Variants in GPM6A observed in about 807,000 individuals in gnomAD.
GPM6A encodes glycoprotein M6A.
GPM6A carries 7 observed loss-of-function variants against 32.1 expected under a neutral mutation model. The ratio of observed to expected loss-of-function variants is 0.22; its 90% CI spans 0.12 to 0.41. The LOEUF (loss-of-function observed/expected upper bound fraction) is 0.41. GPM6A is among the 10% of genes least tolerant of loss of function. The probability of loss-of-function intolerance (pLI) is 1.00; values close to 1 mark genes in which losing one functional copy is unlikely to be tolerated. For missense variants in GPM6A, 235 were observed against 347.2 expected (o/e 0.68, Z 2.57); for synonymous variants, 130 against 123.4 (o/e 1.05, Z -0.35).
chr4:176,002,372 G>T (rs1468316232), upstream of GPM6A: 2 of 1,563,258 alleles, frequency 1.3e-6, no homozygotes, highest in African/African-American at 1.4e-5. Context: ...GACGCTGCGC[G>T]GGGCCAAGTT....
intron 1 of GPM6A, among the ~76,000 whole-genome samples, chr4:175,902,094 CA>C (rs967373796): frequency 6.6e-6 from 1 of 151,766 alleles, no homozygotes; most frequent in Non-Finnish European, 1.5e-5. Flanking sequence ...AGAAACAATC[CA>C]AAAGTCCATC....
chr4:175,756,796 T>G (rs1202322982), intron 1 of GPM6A, among the ~76,000 whole-genome samples: 2 of 152,056 alleles, frequency 1.3e-5, no homozygotes, highest in Admixed American at 1.3e-4. Flanking sequence ...ATACTCTAGG[T>G]GATAAGCAAT....
intron 1 of GPM6A, among the ~76,000 whole-genome samples, chr4:175,985,942 A>G (rs1740960179): frequency 6.6e-6 from 1 of 151,876 alleles, no homozygotes; most frequent in Non-Finnish European, 1.5e-5. Flanking sequence ...AGTAGCTGGG[A>G]TTACAGGCAC....
chr4:175,755,660 C>T (rs1034999505), intron 1 of GPM6A, among the ~76,000 whole-genome samples: 2 of 152,252 alleles, frequency 1.3e-5, no homozygotes, highest in Admixed American at 6.5e-5. Context: ...CCTCCAATTA[C>T]GTTGGTAGTA....
chr4:175,885,713 C>T (rs1737429695), intron 1 of GPM6A, among the ~76,000 whole-genome samples: 1 of 152,188 alleles, frequency 6.6e-6, no homozygotes, highest in Non-Finnish European at 1.5e-5. Flanking sequence ...CTCTAAAAGA[C>T]ATTTGCATCA....
At position 175,867,120 on chromosome 4, in the gene GPM6A, C is replaced by T. The variant is rs527358045; in HGVS notation, c.-22-54871G>A. Among the ~76,000 whole-genome samples, 8 of 152,204 alleles carry T rather than the reference C, an allele frequency of 5.3e-5. No homozygotes were observed. The South Asian group carries it at 8.3e-4, about 16-fold the overall frequency. ...CGGGGATTTTTAAATTTCTTCCTGTCGAGTTTTAAGAGTCCTTGGTGTATT... is the reference window on the plus strand; with the variant it reads ...CGGGGATTTTTAAATTTCTTCCTGTTGAGTTTTAAGAGTCCTTGGTGTATT... On this transcript the variant is annotated intron_variant, in intron 1 of 7. Coordinates refer to the GPM6A transcript ENST00000280187.
At chr4:175,743,313 T>C (rs1029793905) in intron 1 of GPM6A, among the ~76,000 whole-genome samples, 26 of 150,082 alleles carry the variant, frequency 1.7e-4, no homozygotes, top group Admixed American at 7.3e-4. Context: ...GTCTGGAAAT[T>C]AGTACGTTTT....
chr4:175,842,246 C>T (rs780898710), intron 1 of GPM6A, among the ~76,000 whole-genome samples: 152 of 152,096 alleles, frequency 1.0e-3, no homozygotes, highest in Middle Eastern at 3.4e-3. Flanking sequence ...TTAGCATTAA[C>T]GTATGTAAAA....
chr4:175,815,730 T>TTC (rs1284201103), upstream of GPM6A, among the ~76,000 whole-genome samples: 1 of 149,440 alleles, frequency 6.7e-6, no homozygotes, highest in Non-Finnish European at 1.5e-5. Context: ...TTTTTTTTTT[T>TTC]TTTTGAGATG....
intron 1 of GPM6A, among the ~76,000 whole-genome samples, chr4:175,851,110 G>A (rs934534965): frequency 6.6e-6 from 1 of 152,112 alleles, no homozygotes; most frequent in African/African-American, 2.4e-5. Flanking sequence ...TGTAATCCCA[G>A]CACTTTGGGG....
At chr4:175,850,309 A>G (rs1736213304) in intron 1 of GPM6A, among the ~76,000 whole-genome samples, 1 of 152,158 alleles carries the variant, frequency 6.6e-6, no homozygotes, top group African/African-American at 2.4e-5. Flanking sequence ...GTGACAAGGG[A>G]GTAACAATGG....
chr4:175,933,827 A>C (rs1221995497), intron 1 of GPM6A, among the ~76,000 whole-genome samples: 1 of 152,198 alleles, frequency 6.6e-6, no homozygotes, highest in Non-Finnish European at 1.5e-5. Context: ...TACAGGCGTG[A>C]GCCACTGCGC....
chr4:175,962,314 G>A, intron 1 of GPM6A: 2 of 1,039,668 alleles, frequency 1.9e-6, no homozygotes, highest in Non-Finnish European at 3.0e-6. Context: ...AGTTTACTGG[G>A]TCCTGTGGCC....
In GPM6A at chr4:175,722,575, G is replaced by A. The variant is rs1746194527; in HGVS notation, c.38-20808C>T. Reference sequence around the variant, plus strand: ...ACTTTCCTTTTTCACACCTATACTGGTGTCCATAATTTACTTTTACCAACC... The same window carrying A: ...ACTTTCCTTTTTCACACCTATACTGATGTCCATAATTTACTTTTACCAACC... On this transcript the variant is annotated intron_variant, in intron 1 of 6. Coordinates refer to ENST00000393658, the MANE Select transcript of GPM6A (RefSeq NM_201591.3). Among the ~76,000 whole-genome samples, 3 of 151,932 alleles carry A rather than the reference G, an allele frequency of 2.0e-5. 1 individual carries two copies. In the South Asian group the frequency reaches 6.3e-4, roughly 32 times the overall value.
chr4:175,679,267 TTGTC>T (rs1441440731), intron 2 of GPM6A, among the ~76,000 whole-genome samples: 1 of 152,144 alleles, frequency 6.6e-6, no homozygotes, highest in Non-Finnish European at 1.5e-5. Context: ...CCTTTTGAGT[TTGTC>T]TGATGTTTCC....
chr4:175,784,299 T>C (rs1733716147), intron 1 of GPM6A, among the ~76,000 whole-genome samples: 1 of 151,996 alleles, frequency 6.6e-6, no homozygotes. Context: ...AACAAAGAAA[T>C]ATGGAAACAC....
chr4:175,948,878 A>G (rs888056324), intron 1 of GPM6A, among the ~76,000 whole-genome samples: 5 of 152,062 alleles, frequency 3.3e-5, no homozygotes, highest in African/African-American at 1.2e-4. Context: ...AATGCCATAG[A>G]TCCTTGAAAA....
chr4:175,637,321 T>C (rs1309932520), intron 6 of GPM6A, among the ~76,000 whole-genome samples: 1 of 45,274 alleles, frequency 2.2e-5, no homozygotes, highest in African/African-American at 1.2e-4. Flanking sequence ...TAATATAAAA[T>C]ATATATTATA....
chr4:175,647,961 C>A (rs1476135860), intron 4 of GPM6A, among the ~76,000 whole-genome samples: 2 of 152,012 alleles, frequency 1.3e-5, no homozygotes, highest in African/African-American at 4.8e-5. Context: ...CTAAAAAGTG[C>A]CTTCTCTTTC....
Sources: gnomAD v4.1 joint callset for allele counts (sites outside exome capture counted in the v4.1 genomes callset) on GRCh38, gnomAD v4.1.1 for gene constraint, MANE v1.5 for transcripts, NCBI Gene and HGNC (gene_info 2026-07-23, HGNC 2026-07-21) for gene names.